GPC5: variants seen among roughly 807,000 people sequenced by gnomAD.
GPC5 encodes the protein glypican-5.
A neutral mutation model predicts 53.9 loss-of-function variants in GPC5; 47 were observed. That is an observed-to-expected ratio of 0.87 (90% CI 0.69 to 1.11). The LOEUF is 1.11. Ranked by LOEUF, GPC5 falls within the 50% of genes most tolerant of loss-of-function variation. GPC5 has a pLI of 0.00. For missense variants in GPC5, 748 were observed against 713.1 expected (o/e 1.05, Z -0.56); for synonymous variants, 286 against 263.3 (o/e 1.09, Z -0.84).
At chr13:92,505,112 G>T (rs926335219) in intron 7 of GPC5, among the ~76,000 whole-genome samples, 2 of 151,716 alleles carry the variant, frequency 1.3e-5, no homozygotes, top group African/African-American at 4.8e-5. Flanking sequence ...ACTTTGAGAA[G>T]TTAAAGTTAC....
intron 7 of GPC5, among the ~76,000 whole-genome samples, chr13:92,511,541 C>A (rs1380758917): frequency 6.6e-6 from 1 of 152,106 alleles, no homozygotes; most frequent in Non-Finnish European, 1.5e-5. Flanking sequence ...GCAAAAAATG[C>A]CAGCTGATTA....
rs1220263052 is a variant in GPC5, at chr13:91,867,825, C to A, written c.1281-40112C>A. ...TTAACTTTTATTATAAATGAACGAACAATTGTATAGCATTTCAAATAAAAG... is the reference window on the plus strand; with the variant it reads ...TTAACTTTTATTATAAATGAACGAAAAATTGTATAGCATTTCAAATAAAAG... On this transcript the variant is annotated intron_variant, in intron 5 of 7. Transcript: ENST00000377067. Among the ~76,000 whole-genome samples the A allele has an allele frequency of 2.6e-5, 4 of 152,152 alleles. No individual in the cohort carries two copies. In the East Asian group the frequency reaches 7.7e-4, roughly 29 times the overall value.
chr13:92,224,891 G>A (rs767358118), intron 7 of GPC5, among the ~76,000 whole-genome samples: 1 of 152,072 alleles, frequency 6.6e-6, no homozygotes, highest in Non-Finnish European at 1.5e-5. Flanking sequence ...TTACTTTTTA[G>A]GTTTGTTGCA....
At chr13:92,118,542 C>T (rs774596609) in intron 6 of GPC5, among the ~76,000 whole-genome samples, 3 of 151,864 alleles carry the variant, frequency 2.0e-5, no homozygotes, top group Non-Finnish European at 2.9e-5. Flanking sequence ...AGTGGGAAAA[C>T]GAAAAACAAA....
chr13:92,428,908 C>G (rs993434958), intron 7 of GPC5, among the ~76,000 whole-genome samples: 8 of 151,974 alleles, frequency 5.3e-5, no homozygotes, highest in African/African-American at 1.4e-4. Context: ...AAACAATTTC[C>G]CTCCACATGT....
chr13:91,483,250 G>A (rs558909300), intron 2 of GPC5, among the ~76,000 whole-genome samples: 51 of 152,256 alleles, frequency 3.3e-4, no homozygotes, highest in African/African-American at 1.2e-3. Context: ...CTTTATATAA[G>A]AGGCTCCAGG....
chr13:91,546,605 T>C (rs1157223813), intron 2 of GPC5, among the ~76,000 whole-genome samples: 1 of 152,082 alleles, frequency 6.6e-6, no homozygotes, highest in Admixed American at 6.5e-5. Flanking sequence ...TTGATATGTA[T>C]GTCATGATGT....
At chr13:91,850,763 A>G (rs1375212825) in intron 5 of GPC5, among the ~76,000 whole-genome samples, 1 of 152,134 alleles carries the variant, frequency 6.6e-6, no homozygotes, top group Non-Finnish European at 1.5e-5. Flanking sequence ...CTACATATGT[A>G]GAAAAAAAGA....
Position 91,576,452 on chromosome 13 carries a change from A to G in GPC5, c.326-116735A>G, listed in dbSNP as rs78641538. 6.3e-3 allele frequency among the ~76,000 whole-genome samples: 959 copies of G among 152,222 alleles called. 13 individuals are homozygous for G. Among genetic ancestry groups the G allele is most frequent in the African/African-American group, 0.022 (911 of 41,530 alleles). ...AAATGGACAGCAAAAAATAAACACA[A>G]CTAAAACAACTTAAAGTAAGTATAT... On this transcript the variant is annotated intron_variant, in intron 2 of 7. Coordinates refer to ENST00000377067, the MANE Select transcript of GPC5 (RefSeq NM_004466.6).
intron 3 of GPC5, among the ~76,000 whole-genome samples, chr13:91,717,648 C>T (rs755823342): frequency 2.0e-5 from 3 of 152,032 alleles, no homozygotes; most frequent in Non-Finnish European, 2.9e-5. Context: ...CCTCCACCTC[C>T]GGGATTCAAG....
intron 5 of GPC5, among the ~76,000 whole-genome samples, chr13:91,850,729 A>C (rs2038903337): frequency 1.3e-5 from 2 of 151,958 alleles, no homozygotes; most frequent in African/African-American, 4.8e-5. Context: ...GTGACTTTTC[A>C]AGCTTCATTT....
chr13:92,256,819 A>G (rs2042729488), intron 7 of GPC5, among the ~76,000 whole-genome samples: 1 of 151,970 alleles, frequency 6.6e-6, no homozygotes, highest in East Asian at 1.9e-4. Context: ...ACATGGAATC[A>G]AGTTTGCTTT....
chr13:91,844,264 G>A (rs1037450526), intron 5 of GPC5, among the ~76,000 whole-genome samples: 1 of 152,156 alleles, frequency 6.6e-6, no homozygotes, highest in Non-Finnish European at 1.5e-5. Flanking sequence ...GAAGGATGAA[G>A]ATTGAAAAGA....
At chr13:92,535,849 C>A in intron 7 of GPC5, among the ~76,000 whole-genome samples, 1 of 152,072 alleles carries the variant, frequency 6.6e-6, no homozygotes, top group African/African-American at 2.4e-5. Flanking sequence ...TGGAATATAG[C>A]AAGTTTGAGG....
intron 6 of GPC5, among the ~76,000 whole-genome samples, chr13:91,913,134 C>G (rs935948086): frequency 5.9e-5 from 9 of 152,162 alleles, no homozygotes; most frequent in Non-Finnish European, 1.0e-4. Flanking sequence ...GGCCTGGTGG[C>G]TCACACCTGT....
At chr13:91,833,994 C>G (rs2038693974) in intron 5 of GPC5, among the ~76,000 whole-genome samples, 1 of 152,004 alleles carries the variant, frequency 6.6e-6, no homozygotes, top group Non-Finnish European at 1.5e-5. Context: ...TTTAAAAAAC[C>G]CCATCATCTC....
At chr13:91,970,240 A>G (rs2040228716) in intron 6 of GPC5, among the ~76,000 whole-genome samples, 1 of 152,200 alleles carries the variant, frequency 6.6e-6, no homozygotes, top group African/African-American at 2.4e-5. Flanking sequence ...TAGAAATAGA[A>G]GTAGAGAGTC....
intron 2 of GPC5, among the ~76,000 whole-genome samples, chr13:91,476,626 A>T (rs567532026): frequency 6.6e-6 from 1 of 152,332 alleles, no homozygotes; most frequent in Admixed American, 6.5e-5. Context: ...ATTTGCAGAC[A>T]ATAAGGTCCG....
Position 91,597,369 on chromosome 13 carries a change from T to C in GPC5, c.326-95818T>C, listed in dbSNP as rs951819545. Among the ~76,000 whole-genome samples, 4 of 152,166 alleles carry C rather than the reference T, an allele frequency of 2.6e-5. 1 individual carries two copies. Among genetic ancestry groups the C allele is most frequent in the Non-Finnish European group, 5.9e-5 (4 of 68,032 alleles). ...ACTACCTTTCCAGCATCTAACTTAC[T>C]TGTAATTTGCAAATCTTGTTTGGAG... On this transcript the variant is annotated intron_variant, in intron 2 of 7. Transcript: ENST00000377067.
Sources: gnomAD v4.1 joint callset for allele counts (sites outside exome capture counted in the v4.1 genomes callset) on GRCh38, gnomAD v4.1.1 for gene constraint, MANE v1.5 for transcripts, NCBI Gene and HGNC (gene_info 2026-07-23, HGNC 2026-07-21) for gene names.